The following DIP2A variants were observed in gnomAD, a reference collection of about 807,000 sequenced individuals.
DIP2A encodes DIP2 acetate--CoA ligase A, also known as disco-interacting protein 2 homolog A.
A neutral mutation model predicts 177.4 loss-of-function variants in DIP2A; 85 were observed. The ratio of observed to expected loss-of-function variants is 0.48; its 90% CI spans 0.40 to 0.57. The LOEUF is 0.57. DIP2A is among the 20% of genes least tolerant of loss of function. The pLI is 0.00. For synonymous variants in DIP2A, 886 were observed against 881.8 expected (o/e 1.00, Z -0.08); for missense variants, 1,791 against 2,100.2 (o/e 0.85, Z 2.88).
chr21:46,460,927 C>A (rs2054241058), intron 1 of DIP2A, among the ~76,000 whole-genome samples: 1 of 151,962 alleles, frequency 6.6e-6, no homozygotes, highest in African/African-American at 2.4e-5. Context: ...CTCCTGACCT[C>A]AGGTGGTCCG....
At chr21:46,472,584 G>A (rs758725393) in intron 1 of DIP2A, among the ~76,000 whole-genome samples, 1 of 152,228 alleles carries the variant, frequency 6.6e-6, no homozygotes, top group African/African-American at 2.4e-5. Context: ...GTGTGAAGAG[G>A]GTGGAGAAGG....
intron 20 of DIP2A, chr21:46,546,288 T>C: frequency 2.7e-6 from 3 of 1,106,108 alleles, no homozygotes; most frequent in Non-Finnish European, 3.3e-6. Flanking sequence ...TATTCAAAAA[T>C]AAATGCTTCT....
At chr21:46,550,012 T>C in intron 22 of DIP2A, 127 bp downstream of exon 22, 7 of 1,509,748 alleles carry the variant, frequency 4.6e-6, no homozygotes, top group Non-Finnish European at 6.2e-6. Flanking sequence ...TTTATCTGTA[T>C]TTTTCATTGC....
rs74642064 is a variant in DIP2A at position 46,478,861 on chromosome 21, G to A, written c.92-5896G>A. The stretch of plus-strand genomic sequence containing the variant: ...CTATTATTGTTTCTCATGGATTTTA[G>A]TCATAGTTTCTTGCTGCCATATGTG... On this transcript the variant is annotated intron_variant, in intron 1 of 37. Coordinates refer to ENST00000417564, the MANE Select transcript of DIP2A (RefSeq NM_015151.4). Among the ~76,000 whole-genome samples the A allele has an allele frequency of 2.2e-3, 329 of 151,816 alleles. 2 individuals carry two copies. Among genetic ancestry groups the A allele is most frequent in the African/African-American group, 7.4e-3 (307 of 41,328 alleles).
At position 46,550,846 on chromosome 21, in the gene DIP2A, C is replaced by T. The variant is rs569710838; in HGVS notation, c.2839+102C>T. On this transcript the variant is annotated intron_variant, in intron 23 of 37. Coordinates refer to ENST00000417564, the MANE Select transcript of DIP2A (RefSeq NM_015151.4). ...TGCTAGACCTCCAGTGCCAACTGCC[C>T]ACGTCTTTGGGGCTGGGGTCAAGAG... is the stretch of plus-strand genomic sequence containing the variant. 4.9e-6 allele frequency: 6 copies of T among 1,214,194 alleles called. No homozygotes were observed. The South Asian group carries it at 5.5e-5, about 11-fold the overall frequency. 75.2% of individuals were successfully genotyped at this position (1,214,194 alleles called of 1,614,324 possible). A position where few individuals can be genotyped will look rare whatever the true frequency, so the allele number is the denominator to read the frequency against.
chr21:46,561,652 C>A (rs190432938), intron 33 of DIP2A, 96 bp from the exon 34 acceptor site: 1 of 1,462,042 alleles, frequency 6.8e-7, no homozygotes, highest in Non-Finnish European at 9.6e-7. Flanking sequence ...GTCAACAGAC[C>A]CTCAGAGTGA....
chr21:46,532,043 A>G (rs187852862), intron 9 of DIP2A, 84 bp from the exon 10 acceptor site: 3 of 1,345,696 alleles, frequency 2.2e-6, no homozygotes, highest in Non-Finnish European at 3.0e-6. Context: ...GCTTACAAAA[A>G]TTTTATTTAT....
chr21:46,507,237 A>G (rs2058059101), intron 6 of DIP2A, among the ~76,000 whole-genome samples: 1 of 152,200 alleles, frequency 6.6e-6, no homozygotes, highest in Admixed American at 6.6e-5. Context: ...TCAGTTTACC[A>G]AATTTTTTTA....
intron 17 of DIP2A, among the ~76,000 whole-genome samples, chr21:46,540,640 AT>A (rs1332754774): frequency 6.6e-6 from 1 of 152,140 alleles, no homozygotes; most frequent in Non-Finnish European, 1.5e-5. Flanking sequence ...CTTAGCCTCA[AT>A]TGTAATCTTG....
intron 11 of DIP2A, 143 bp downstream of exon 11, chr21:46,533,790 T>G: frequency 7.6e-7 from 1 of 1,321,452 alleles, no homozygotes; most frequent in Non-Finnish European, 1.0e-6. Context: ...TGAATCTCGG[T>G]TTTCATCTGG....
chr21:46,560,929 C>T (rs1304229262), intron 33 of DIP2A, 146 bp downstream of exon 33: 1 of 1,471,978 alleles, frequency 6.8e-7, no homozygotes, highest in African/African-American at 1.4e-5. Context: ...TGGATGGGCA[C>T]ATGAGAGGAC....
At chr21:46,574,344 A>G (rs911859081), downstream of DIP2A, among the ~76,000 whole-genome samples, 1 of 152,198 alleles carries the variant, frequency 6.6e-6, no homozygotes, top group Admixed American at 6.5e-5. Context: ...AGTGCTAAAG[A>G]AGCAATTTAT....
chr21:46,494,018 T>C (rs2057168413), intron 3 of DIP2A, among the ~76,000 whole-genome samples: 1 of 152,218 alleles, frequency 6.6e-6, no homozygotes. Context: ...ATTCTCGATC[T>C]CTGTCATTTT....
At chr21:46,572,014 T>A (rs1274523156), downstream of DIP2A, among the ~76,000 whole-genome samples, 1 of 152,188 alleles carries the variant, frequency 6.6e-6, no homozygotes, top group African/African-American at 2.4e-5. Context: ...TTTTGCCCAT[T>A]CAGTATGATA....
chr21:46,473,672 C>T (rs1217500589), intron 1 of DIP2A, among the ~76,000 whole-genome samples: 24 of 152,078 alleles, frequency 1.6e-4, no homozygotes, highest in African/African-American at 2.7e-4. Context: ...TGTGCCACCA[C>T]GCCCGGCTAA....
At chr21:46,515,735 G>A (rs1318949536) in intron 8 of DIP2A, among the ~76,000 whole-genome samples, 1 of 147,512 alleles carries the variant, frequency 6.8e-6, no homozygotes, top group Non-Finnish European at 1.5e-5. Context: ...TCGAGGTCTC[G>A]CCATGTGGCC....
rs747699168 is a variant in DIP2A, at chr21:46,554,566, T to A, written c.3155-9T>A. The A allele has an allele frequency of 6.2e-7, 1 of 1,611,224 alleles. No individual in the cohort carries two copies. Among genetic ancestry groups the A allele is most frequent in the Admixed American group, 1.7e-5 (1 of 59,656 alleles). On this transcript the variant is annotated splice_polypyrimidine_tract_variant and intron_variant, in intron 26 of 37. Transcript: ENST00000417564. ...CCGGCCTCCTCACAGCCAGTCCTTG[T>A]CTCCACAGGGGTGGACCTCATTGCC... is the stretch of plus-strand genomic sequence containing the variant.
chr21:46,501,466 C>T (rs1485429990), intron 5 of DIP2A, among the ~76,000 whole-genome samples: 2 of 151,998 alleles, frequency 1.3e-5, no homozygotes, highest in African/African-American at 2.4e-5. Flanking sequence ...GTCACCCACG[C>T]TGGAGTACAG....
the DIP2A span, among the ~76,000 whole-genome samples, chr21:46,579,343 C>T: frequency 6.6e-6 from 1 of 151,978 alleles, no homozygotes; most frequent in Admixed American, 6.6e-5. Context: ...TGATTCTTTT[C>T]ACTTTTCTTT....
Sources: gnomAD v4.1 joint callset for allele counts (sites outside exome capture counted in the v4.1 genomes callset) on GRCh38, gnomAD v4.1.1 for gene constraint, MANE v1.5 for transcripts, NCBI Gene and HGNC (gene_info 2026-07-23, HGNC 2026-07-21) for gene names.